The following PTPN9 variants were observed in gnomAD, a reference collection of about 807,000 sequenced individuals.
The protein encoded by PTPN9 is tyrosine-protein phosphatase non-receptor type 9.
In PTPN9, 26 loss-of-function variants were observed where a neutral mutation model predicts 69.8. That is an observed-to-expected ratio of 0.37 (90% CI 0.27 to 0.52). The LOEUF (loss-of-function observed/expected upper bound fraction) is 0.52. Ranked by LOEUF, PTPN9 falls within the 20% of genes least tolerant of loss-of-function variation. PTPN9 has a pLI of 0.91. For synonymous variants in PTPN9, 274 were observed against 272.5 expected, an observed-to-expected ratio of 1.01 and a Z score of -0.05; for missense variants, 549 against 740.3, an observed-to-expected ratio of 0.74 and a Z score of 3.00.
Position 75,491,596 on chromosome 15 carries a change from A to G in PTPN9, c.969-1295T>C, listed in dbSNP as rs371014819. ...TTGGAAGTACATGCAGAAAAAGCCT[A>G]TGTTGCCATAAACAGGCATAAAAGG... is the stretch of plus-strand genomic sequence containing the variant. On this transcript the variant is annotated intron_variant, in intron 7 of 12. Transcript: ENST00000618819. Among the ~76,000 whole-genome samples, 14 of 152,284 alleles carry G rather than the reference A, an allele frequency of 9.2e-5. 1 individual carries two copies. Among genetic ancestry groups the G allele is most frequent in the East Asian group, 3.9e-4 (2 of 5,176 alleles).
chr15:75,559,010 C>T (rs1436883357), intron 1 of PTPN9, among the ~76,000 whole-genome samples: 1 of 152,042 alleles, frequency 6.6e-6, no homozygotes, highest in Non-Finnish European at 1.5e-5. Context: ...ATGTGAGGAT[C>T]CCCTCTGCCC....
intron 1 of PTPN9, among the ~76,000 whole-genome samples, chr15:75,558,895 G>A (rs569483720): frequency 0.014 from 2,069 of 152,282 alleles, 19 homozygotes; most frequent in Non-Finnish European, 0.02. Context: ...CCACCTCCCA[G>A]CCGCCTGCCT....
chr15:75,533,406 C>G (rs1276793834), intron 1 of PTPN9, among the ~76,000 whole-genome samples: 1 of 152,066 alleles, frequency 6.6e-6, no homozygotes, highest in Non-Finnish European at 1.5e-5. Flanking sequence ...ACTACATGCA[C>G]ACGTCACCAT....
chr15:75,537,782 G>A (rs1159698089), intron 1 of PTPN9, among the ~76,000 whole-genome samples: 2 of 82,096 alleles, frequency 2.4e-5, no homozygotes, highest in Non-Finnish European at 5.1e-5. Context: ...AAAAAGGCCA[G>A]GCGTGGTGGC....
At chr15:75,500,956 G>C (rs978632904) in intron 7 of PTPN9, among the ~76,000 whole-genome samples, 1 of 151,788 alleles carries the variant, frequency 6.6e-6, no homozygotes, top group Non-Finnish European at 1.5e-5. Context: ...ATAAAAATAG[G>C]GGTCTGGAGC....
At position 75,527,122 on chromosome 15, in the gene PTPN9, T is replaced by C. The variant is rs146997520; in HGVS notation, c.203A>G (p.Tyr68Cys). ...GTCTACCCCTGAGCCACATACTCTG[T>C]AGGAGTGGAACAATTCTATGGCACG... Reference protein sequence around the residue: ...VLRAIELFHSYRETRRKEGIV... With the variant: ...VLRAIELFHSCRETRRKEGIV... The change falls in exon 2 of 13, where the codon TAC becomes TGC. Residue 68 changes from tyrosine (Y) to cysteine (C), a missense_variant. Tyr to Cys is a radical substitution (Grantham distance 194). Around this residue, in one of 3 missense-constraint regions of PTPN9, gnomAD observed 457 missense variants for 661.9 expected, o/e 0.69. Coordinates refer to ENST00000618819, the MANE Select transcript of PTPN9 (RefSeq NM_002833.4). 2.9e-5 allele frequency: 46 copies of C among 1,614,016 alleles called. No homozygotes were observed. The highest frequency in any genetic ancestry group is 3.8e-5 in the Non-Finnish European group (45 of 1,180,030).
intron 1 of PTPN9, among the ~76,000 whole-genome samples, chr15:75,564,429 CT>C (rs2075117920): frequency 6.6e-6 from 1 of 151,544 alleles, no homozygotes; most frequent in African/African-American, 2.4e-5. Context: ...CCCGTCTCTA[CT>C]AAAAATACAA....
At chr15:75,497,609 T>C (rs2074749915) in intron 7 of PTPN9, among the ~76,000 whole-genome samples, 1 of 151,954 alleles carries the variant, frequency 6.6e-6, no homozygotes, top group Admixed American at 6.6e-5. Context: ...GAGACCACTC[T>C]GACCAACATG....
At chr15:75,567,307 C>T (rs995454594) in intron 1 of PTPN9, among the ~76,000 whole-genome samples, 3 of 151,976 alleles carry the variant, frequency 2.0e-5, no homozygotes, top group Non-Finnish European at 4.4e-5. Flanking sequence ...CGTGAGTCAC[C>T]GCGCCCAGCC....
chr15:75,525,920 G>T (rs1294162536), intron 2 of PTPN9, among the ~76,000 whole-genome samples: 1 of 149,936 alleles, frequency 6.7e-6, no homozygotes, highest in African/African-American at 2.5e-5. Flanking sequence ...GCAAGACTCT[G>T]TCTCAAAAAA....
At chr15:75,552,003 T>C (rs1324942701) in intron 1 of PTPN9, among the ~76,000 whole-genome samples, 2 of 149,710 alleles carry the variant, frequency 1.3e-5, no homozygotes, top group Non-Finnish European at 3.0e-5. Context: ...GATTTCACCA[T>C]TGCACTCCAG....
At chr15:75,550,408 C>T (rs2075052290) in intron 1 of PTPN9, among the ~76,000 whole-genome samples, 1 of 151,348 alleles carries the variant, frequency 6.6e-6, no homozygotes, top group Non-Finnish European at 1.5e-5. Context: ...TCAGGTGATC[C>T]ACCTGCCTTG....
chr15:75,520,329 TGGATGCATAATG>T (rs2074896157), intron 4 of PTPN9, among the ~76,000 whole-genome samples: 1 of 151,862 alleles, frequency 6.6e-6, no homozygotes, highest in South Asian at 2.1e-4. Flanking sequence ...AAAAGAAGCT[TGGATGCATAATG>T]AATGATCCAG....
intron 2 of PTPN9, among the ~76,000 whole-genome samples, chr15:75,526,104 T>C (rs2074926342): frequency 1.3e-5 from 2 of 151,822 alleles, no homozygotes; most frequent in Admixed American, 1.3e-4. Context: ...CAAGTGATTG[T>C]CCCTCCTCAG....
chr15:75,572,624 A>G (rs138247538), intron 1 of PTPN9, among the ~76,000 whole-genome samples: 3,132 of 152,182 alleles, frequency 0.021, 179 homozygotes, highest in Admixed American at 0.11. Flanking sequence ...CTGAGACAGG[A>G]GAATCGCTTG....
At chr15:75,504,534 A>G (rs1219797796) in intron 7 of PTPN9, among the ~76,000 whole-genome samples, 67 of 90,580 alleles carry the variant, frequency 7.4e-4, no homozygotes, top group East Asian at 2.3e-3. Context: ...CCCCCCGCCC[A>G]GCCAGCCGCC....
At chr15:75,555,181 A>G (rs139252841) in intron 1 of PTPN9, among the ~76,000 whole-genome samples, 1 of 152,332 alleles carries the variant, frequency 6.6e-6, no homozygotes, top group Non-Finnish European at 1.5e-5. Flanking sequence ...GGAACAGTTC[A>G]GTTCTAGTCC....
intron 7 of PTPN9, among the ~76,000 whole-genome samples, chr15:75,493,090 A>G (rs1339869971): frequency 6.6e-6 from 1 of 152,130 alleles, no homozygotes; most frequent in Non-Finnish European, 1.5e-5. Context: ...GGGAGACAGA[A>G]GCTGCAGTGA....
chr15:75,513,853 C>T (rs2074855273), intron 5 of PTPN9, among the ~76,000 whole-genome samples: 1 of 151,828 alleles, frequency 6.6e-6, no homozygotes, highest in African/African-American at 2.4e-5. Context: ...AATCCTAGCA[C>T]TCTGGGAAGC....
Sources: gnomAD v4.1 joint callset for allele counts (sites outside exome capture counted in the v4.1 genomes callset) on GRCh38, gnomAD v4.1.1 for gene constraint, gnomAD v4.1.1 regional missense constraint, MANE v1.5 for transcripts, NCBI Gene and HGNC (gene_info 2026-07-23, HGNC 2026-07-21) for gene names.